Variants in DNAJB12 observed in about 807,000 individuals in gnomAD.
DNAJB12 encodes the protein dnaJ homolog subfamily B member 12.
DNAJB12 carries 14 observed loss-of-function variants against 40.6 expected under a neutral mutation model. That is an observed-to-expected ratio of 0.34 (90% CI 0.23 to 0.54). DNAJB12 has a LOEUF of 0.54. Ranked by LOEUF, DNAJB12 falls within the 20% of genes least tolerant of loss-of-function variation. The pLI is 0.92. For synonymous variants in DNAJB12, 181 were observed against 199.5 expected, an observed-to-expected ratio of 0.91 and a Z score of 0.78; for missense variants, 444 against 501.7, an observed-to-expected ratio of 0.89 and a Z score of 1.10.
chr10:72,349,594 C>A (rs541832403), intron 1 of DNAJB12, among the ~76,000 whole-genome samples: 2 of 152,316 alleles, frequency 1.3e-5, no homozygotes, highest in South Asian at 4.1e-4. Context: ...TCTGGAAGTT[C>A]TGGTGGCCCA....
At chr10:72,345,588 A>C (rs1861764344) in intron 1 of DNAJB12, among the ~76,000 whole-genome samples, 1 of 144,846 alleles carries the variant, frequency 6.9e-6, no homozygotes, top group African/African-American at 2.7e-5. Flanking sequence ...AAAAAAAAAA[A>C]AAATCCGGGC....
intron 2 of DNAJB12, among the ~76,000 whole-genome samples, chr10:72,344,390 C>CT (rs770079784): frequency 1.6e-4 from 24 of 152,214 alleles, no homozygotes; most frequent in Non-Finnish European, 3.2e-4. Flanking sequence ...AGGCCAGCTG[C>CT]TGGGAGACCT....
chr10:72,344,256 G>A (rs533807078), intron 2 of DNAJB12, among the ~76,000 whole-genome samples: 4 of 152,284 alleles, frequency 2.6e-5, no homozygotes, highest in South Asian at 2.1e-4. Context: ...GGACCTTGCC[G>A]ACTCAGTGAA....
At chr10:72,348,921 G>A (rs1314292638) in intron 1 of DNAJB12, among the ~76,000 whole-genome samples, 2 of 152,226 alleles carry the variant, frequency 1.3e-5, no homozygotes, top group African/African-American at 4.8e-5. Flanking sequence ...AGAGGGTACT[G>A]TGGCAGACTG....
intron 6 of DNAJB12, among the ~76,000 whole-genome samples, 166 bp downstream of exon 6, chr10:72,338,028 AAAAAGCTT>A (rs1241533115): frequency 6.6e-6 from 1 of 152,216 alleles, no homozygotes; most frequent in African/African-American, 2.4e-5. Flanking sequence ...CCATAATCCT[AAAAAGCTT>A]AAGAGTCCTA....
At chr10:72,342,153 G>A (rs941033581) in intron 3 of DNAJB12, among the ~76,000 whole-genome samples, 1 of 152,160 alleles carries the variant, frequency 6.6e-6, no homozygotes, top group Non-Finnish European at 1.5e-5. Flanking sequence ...ATGCAGCTGG[G>A]GTGAGTCCCC....
intron 6 of DNAJB12, chr10:72,336,972 G>A: frequency 3.2e-6 from 1 of 311,900 alleles, no homozygotes; most frequent in East Asian, 5.6e-5. Flanking sequence ...CTGGTCTAGG[G>A]AACTGGAGAC....
intron 5 of DNAJB12, among the ~76,000 whole-genome samples, chr10:72,339,000 C>T (rs1023009202): frequency 6.6e-6 from 1 of 152,184 alleles, no homozygotes; most frequent in Admixed American, 6.5e-5. Flanking sequence ...TGGCTCATGC[C>T]TGTAATCCCA....
chr10:72,338,179 C>A, intron 6 of DNAJB12, 23 bp downstream of exon 6: 1 of 1,604,430 alleles, frequency 6.2e-7, no homozygotes, highest in African/African-American at 1.3e-5. Context: ...CTGCCCATGG[C>A]CCGGCCTCAC....
At position 72,335,543 on chromosome 10, in the gene DNAJB12, G is replaced by C. The variant is rs1369751212; in HGVS notation, c.*30+237C>G. ...GGTTCTGGGGTCCCCCACACCCCTG[G>C]AGCCAGGGAGCAGAGCGGAGGAGTG... On this transcript the variant is annotated intron_variant, in intron 8 of 8. Coordinates refer to ENST00000444643, the MANE Select transcript of DNAJB12 (RefSeq NM_017626.7). The surrounding 1 kb of genome is among the most constrained non-coding windows in gnomAD (Gnocchi z 4.4). The C allele has an allele frequency of 2.7e-5, 34 of 1,273,788 alleles. No homozygotes were observed. The highest frequency in any genetic ancestry group is 3.4e-5 in the Non-Finnish European group (34 of 1,001,560). 78.9% of individuals were successfully genotyped at this position (1,273,788 alleles called of 1,614,324 possible).
At chr10:72,340,673 G>C (rs749537229) in intron 5 of DNAJB12, 116 bp downstream of exon 5, 10 of 1,047,782 alleles carry the variant, frequency 9.5e-6, no homozygotes, top group African/African-American at 1.6e-5. Context: ...GAGAGTTATG[G>C]GGACTCTGCT....
At chr10:72,350,157 T>C (rs1343859173) in intron 1 of DNAJB12, among the ~76,000 whole-genome samples, 1 of 151,998 alleles carries the variant, frequency 6.6e-6, no homozygotes, top group Admixed American at 6.6e-5. Context: ...CTCAGCACTT[T>C]AGGAGGCCAA....
At chr10:72,352,678 A>G (rs1861962808) in intron 1 of DNAJB12, among the ~76,000 whole-genome samples, 1 of 152,084 alleles carries the variant, frequency 6.6e-6, no homozygotes, top group African/African-American at 2.4e-5. Flanking sequence ...CTGTCTTGTA[A>G]TATTTGTTTC....
intron 1 of DNAJB12, among the ~76,000 whole-genome samples, chr10:72,348,643 G>A (rs1037967581): frequency 6.6e-6 from 1 of 152,220 alleles, no homozygotes; most frequent in Admixed American, 6.5e-5. Context: ...CACTGCTGCC[G>A]CACTCCGAGC....
chr10:72,334,641 T>C (rs1861415945), intron 8 of DNAJB12, 24 bp from the exon 9 acceptor site: 1 of 1,524,482 alleles, frequency 6.6e-7, no homozygotes. Flanking sequence ...TGGCAACAGT[T>C]AGCTCGGCAT....
At chr10:72,351,720 C>T (rs1214392652) in intron 1 of DNAJB12, among the ~76,000 whole-genome samples, 1 of 152,244 alleles carries the variant, frequency 6.6e-6, no homozygotes, top group Non-Finnish European at 1.5e-5. Flanking sequence ...AACTTTCTCT[C>T]CATGGTCTAT....
chr10:72,345,005 C>G lies in DNAJB12; in HGVS notation c.256G>C (p.Ala86Pro), dbSNP rs1861743578. The G allele has an allele frequency of 1.9e-6, 3 of 1,614,242 alleles. No homozygotes were observed. Among genetic ancestry groups the G allele is most frequent in the Non-Finnish European group, 2.5e-6 (3 of 1,180,046 alleles). The change falls in exon 2 of 9, where the codon GCT (alanine) becomes CCT (proline). Residue 86 changes from alanine to proline, a missense_variant. Coordinates refer to ENST00000444643, the MANE Select transcript of DNAJB12 (RefSeq NM_017626.7). ...TAGCCTTTGGTGCTCTCTCCTCCAG[C>G]TTCACCGTTGGCCGAGGGGGCATCG... ...GTDAPSANGE[A>P]GGESTKGYTA...
intron 1 of DNAJB12, among the ~76,000 whole-genome samples, chr10:72,352,415 C>T (rs1191946683): frequency 6.6e-6 from 1 of 152,188 alleles, no homozygotes; most frequent in Non-Finnish European, 1.5e-5. Context: ...CTCACACCGT[C>T]CTCCAAAGCA....
Position 72,338,205 on chromosome 10 carries a change from C to G in DNAJB12, c.830G>C (p.Arg277Thr). 6.2e-7 allele frequency: 1 copy of G among 1,613,978 alleles called. No individual in the cohort carries two copies. Residue 277 changes from arginine (R) to threonine (T), a missense_variant, in exon 6 of 9, where the codon AGA becomes ACA. Physicochemically the swap from Arg to Thr is moderately conservative, Grantham distance 71. Transcript: ENST00000444643. ...CCGGCCTCACCCATGTACTCACGGT[C>G]TTGGACTCAGACTGTAGGGTGGACT... ...VSSPPYSLSP[R>T]PSVGHIHRRV...
Sources: gnomAD v4.1 joint callset for allele counts (sites outside exome capture counted in the v4.1 genomes callset) on GRCh38, gnomAD v4.1.1 for gene constraint, Gnocchi (gnomAD v3.1) non-coding constraint, MANE v1.5 for transcripts, NCBI Gene and HGNC (gene_info 2026-07-23, HGNC 2026-07-21) for gene names.